NMNAT3: variants seen among roughly 807,000 people sequenced by gnomAD.
NMNAT3 encodes nicotinamide/nicotinic acid mononucleotide adenylyltransferase 3.
In NMNAT3, 21 loss-of-function variants were observed where a neutral mutation model predicts 24.8. The ratio of observed to expected loss-of-function variants is 0.85; its 90% CI spans 0.60 to 1.22. NMNAT3 has a LOEUF of 1.22. Among genes scored for constraint, NMNAT3 ranks in the 50% most tolerant of loss-of-function variants. The pLI is 0.00. For missense variants in NMNAT3, 387 were observed against 436.6 expected (o/e 0.89, Z 1.01); for synonymous variants, 136 against 155.2 (o/e 0.88, Z 0.92).
At chr3:139,619,670 A>G (rs1254549100) in intron 3 of NMNAT3, among the ~76,000 whole-genome samples, 1 of 152,138 alleles carries the variant, frequency 6.6e-6, no homozygotes, top group African/African-American at 2.4e-5. Context: ...CACAACAAAG[A>G]CAACACCCAA....
intron 3 of NMNAT3, among the ~76,000 whole-genome samples, chr3:139,616,622 C>A (rs2055514915): frequency 6.6e-6 from 1 of 152,196 alleles, no homozygotes; most frequent in East Asian, 1.9e-4. Context: ...AGCACTCTCT[C>A]TTCCTCACAT....
At chr3:139,639,996 T>A (rs1461288537) in intron 1 of NMNAT3, among the ~76,000 whole-genome samples, 1 of 152,206 alleles carries the variant, frequency 6.6e-6, no homozygotes, top group Middle Eastern at 3.2e-3. Context: ...TAAAAGTGAC[T>A]GTCTACATGG....
chr3:139,627,603 C>T lies in NMNAT3; in HGVS notation c.109+13G>A, dbSNP rs771048036. 9.9e-6 allele frequency: 15 copies of T among 1,516,796 alleles called. No homozygotes were observed. The highest frequency in any genetic ancestry group is 1.2e-5 in the Non-Finnish European group (14 of 1,122,610). The allele number at this position is 1,516,796 out of a possible 1,614,324, so 94.0% of individuals were successfully genotyped here. A position where few individuals can be genotyped will look rare whatever the true frequency, so the allele number is the denominator to read the frequency against. ...ACCAGTTCTTCTGTTGGACTCAGGG[C>T]CCCCTGACTGACCTGTTTGGTGTAG... On this transcript the variant is annotated intron_variant, in intron 3 of 6. Transcript: ENST00000643695.
chr3:139,664,323 C>T lies in NMNAT3; in HGVS notation c.-141+13382G>A, dbSNP rs1400241438. ...TGTGGTCCTGCAACACCTTCGCTTT[C>T]AAAACTGCTAGACTACGATTCCTCA... is the stretch of plus-strand genomic sequence containing the variant. On this transcript the variant is annotated intron_variant, in intron 1 of 6. Transcript: ENST00000643695. 2.6e-5 allele frequency among the ~76,000 whole-genome samples: 4 copies of T among 152,150 alleles called. No individual in the cohort carries two copies. In the South Asian group the frequency reaches 6.2e-4, roughly 24 times the overall value.
intron 3 of NMNAT3, among the ~76,000 whole-genome samples, chr3:139,622,780 GAT>G (rs1028139239): frequency 2.2e-5 from 3 of 135,868 alleles, no homozygotes; most frequent in African/African-American, 5.5e-5. Flanking sequence ...TCATATATAT[GAT>G]ATATATATGA....
chr3:139,624,181 A>G (rs923445575), intron 3 of NMNAT3, among the ~76,000 whole-genome samples: 5 of 152,016 alleles, frequency 3.3e-5, no homozygotes, highest in South Asian at 2.1e-4. Context: ...TTTTCCTAAT[A>G]TAATATTTCG....
At chr3:139,587,913 C>A (rs2054006184) in intron 3 of NMNAT3, among the ~76,000 whole-genome samples, 1 of 152,178 alleles carries the variant, frequency 6.6e-6, no homozygotes, top group Non-Finnish European at 1.5e-5. Flanking sequence ...GGACAGGGCT[C>A]TCTCCAGGCA....
At chr3:139,646,176 G>A (rs2056864820) in intron 1 of NMNAT3, among the ~76,000 whole-genome samples, 1 of 152,152 alleles carries the variant, frequency 6.6e-6, no homozygotes, top group African/African-American at 2.4e-5. Context: ...TGCAGATTTG[G>A]TTGTGATTTA....
At chr3:139,672,084 A>C (rs964035523) in intron 1 of NMNAT3, among the ~76,000 whole-genome samples, 1 of 152,216 alleles carries the variant, frequency 6.6e-6, no homozygotes, top group Non-Finnish European at 1.5e-5. Flanking sequence ...GGATGCAATT[A>C]GGCTGAGCCA....
intron 3 of NMNAT3, among the ~76,000 whole-genome samples, chr3:139,603,352 T>C (rs1400749142): frequency 1.3e-5 from 2 of 152,198 alleles, no homozygotes; most frequent in Non-Finnish European, 2.9e-5. Flanking sequence ...ATTGGTTACT[T>C]TCATTTGGAT....
chr3:139,656,268 A>G (rs926002370), intron 1 of NMNAT3, among the ~76,000 whole-genome samples: 27 of 152,246 alleles, frequency 1.8e-4, no homozygotes, highest in Admixed American at 1.7e-3. Context: ...TTTAATTGGC[A>G]TGTAGCATTA....
chr3:139,624,512 A>G (rs1193806575), intron 3 of NMNAT3, among the ~76,000 whole-genome samples: 1 of 151,112 alleles, frequency 6.6e-6, no homozygotes. Flanking sequence ...CAGTGGCACG[A>G]TCTCGGCTCA....
chr3:139,577,845 TA>T (rs1465416938), intron 5 of NMNAT3: 1 of 152,202 alleles, frequency 6.6e-6, no homozygotes, highest in Non-Finnish European at 1.5e-5. Flanking sequence ...CTTTCCACAG[TA>T]AAAGGTAAGT....
intron 1 of NMNAT3, among the ~76,000 whole-genome samples, chr3:139,648,468 T>A (rs1044266563): frequency 6.6e-6 from 1 of 152,072 alleles, no homozygotes; most frequent in Admixed American, 6.5e-5. Flanking sequence ...GCTGAAGGCA[T>A]GAGAAAAAAA....
At chr3:139,580,320 G>T (rs1031589080) in intron 4 of NMNAT3, among the ~76,000 whole-genome samples, 3 of 152,118 alleles carry the variant, frequency 2.0e-5, no homozygotes, top group Non-Finnish European at 2.9e-5. Flanking sequence ...ACAGGGTTTT[G>T]CCATGTTGGC....
chr3:139,669,198 C>T lies in NMNAT3; in HGVS notation c.-141+8507G>A, dbSNP rs140664972. 5.3e-3 allele frequency among the ~76,000 whole-genome samples: 811 copies of T among 152,150 alleles called. 9 individuals carry two copies. The highest frequency in any genetic ancestry group is 0.018 in the African/African-American group (743 of 41,498). Reference sequence around the variant, plus strand: ...ATATAAAATGGACGGGGGCACTGGGCGCAGTGGCTCATGCCTGTAATCTCA... The same window carrying T: ...ATATAAAATGGACGGGGGCACTGGGTGCAGTGGCTCATGCCTGTAATCTCA... On this transcript the variant is annotated intron_variant, in intron 1 of 6. Transcript: ENST00000643695.
At chr3:139,561,655 T>C (rs1170004881) in intron 6 of NMNAT3, among the ~76,000 whole-genome samples, 3 of 152,208 alleles carry the variant, frequency 2.0e-5, no homozygotes, top group Non-Finnish European at 4.4e-5. Flanking sequence ...CTTTTCAGTG[T>C]TCTAACAGAA....
intron 3 of NMNAT3, chr3:139,610,059 AG>A (rs1207144230): frequency 6.6e-6 from 1 of 152,218 alleles, no homozygotes; most frequent in African/African-American, 2.4e-5. Flanking sequence ...AAAGAGGGGA[AG>A]AGGTGAGAGG....
Position 139,664,749 on chromosome 3 carries a change from T to A in NMNAT3, c.-141+12956A>T, listed in dbSNP as rs920024512. Reference sequence around the variant, plus strand: ...AATAGAAAGAATCTTGAATATAAGCTCCCCCAGAAAGCCTTCTTTAAAGCA... The same window carrying A: ...AATAGAAAGAATCTTGAATATAAGCACCCCCAGAAAGCCTTCTTTAAAGCA... On this transcript the variant is annotated intron_variant, in intron 1 of 6. Transcript: ENST00000643695. Among the ~76,000 whole-genome samples, 5 of 152,114 alleles carry A rather than the reference T, an allele frequency of 3.3e-5. 1 individual carries two copies. Among genetic ancestry groups the A allele is most frequent in the Admixed American group, 3.3e-4 (5 of 15,270 alleles).
Sources: gnomAD v4.1 joint callset for allele counts (sites outside exome capture counted in the v4.1 genomes callset) on GRCh38, gnomAD v4.1.1 for gene constraint, MANE v1.5 for transcripts, NCBI Gene and HGNC (gene_info 2026-07-23, HGNC 2026-07-21) for gene names.